CDH8: variants seen among roughly 807,000 people sequenced by gnomAD.
CDH8 encodes the protein cadherin-8.
CDH8 carries 17 observed loss-of-function variants against 68.1 expected under a neutral mutation model. That is an observed-to-expected ratio of 0.25 (90% CI 0.17 to 0.37). The LOEUF is 0.37. Ranked by LOEUF, CDH8 falls within the 10% of genes least tolerant of loss-of-function variation. The probability of loss-of-function intolerance (pLI) is 1.00; values close to 1 mark genes in which losing one functional copy is unlikely to be tolerated. For synonymous variants in CDH8, 372 were observed against 365.1 expected, an observed-to-expected ratio of 1.02 and a Z score of -0.21; for missense variants, 763 against 999.3, an observed-to-expected ratio of 0.76 and a Z score of 3.19.
At chr16:61,697,277 G>A (rs138491369) in intron 10 of CDH8, among the ~76,000 whole-genome samples, 1 of 152,088 alleles carries the variant, frequency 6.6e-6, no homozygotes, top group African/African-American at 2.4e-5. Flanking sequence ...TCCAGGGCCA[G>A]CATCTTGTAC....
intron 3 of CDH8, among the ~76,000 whole-genome samples, chr16:61,882,427 G>T (rs991389608): frequency 6.6e-6 from 1 of 152,130 alleles, no homozygotes; most frequent in Non-Finnish European, 1.5e-5. Context: ...AAGAGCCCCC[G>T]CAGTTGTGTT....
At chr16:61,744,750 T>A (rs1170494753) in intron 8 of CDH8, among the ~76,000 whole-genome samples, 1 of 151,366 alleles carries the variant, frequency 6.6e-6, no homozygotes, top group East Asian at 1.9e-4. Flanking sequence ...CATATACATA[T>A]CCTTGATTCA....
chr16:61,819,461 A>T (rs1465394612), intron 6 of CDH8, among the ~76,000 whole-genome samples: 1 of 152,096 alleles, frequency 6.6e-6, no homozygotes, highest in Non-Finnish European at 1.5e-5. Context: ...GGGTTATTCA[A>T]TAATTGACTC....
At chr16:61,964,941 C>G (rs1434453160) in intron 2 of CDH8, among the ~76,000 whole-genome samples, 1 of 152,198 alleles carries the variant, frequency 6.6e-6, no homozygotes, top group Non-Finnish European at 1.5e-5. Context: ...CTACTCAGCT[C>G]TACATAATCT....
intron 2 of CDH8, among the ~76,000 whole-genome samples, chr16:61,978,553 T>C (rs1447583098): frequency 3.3e-5 from 5 of 152,278 alleles, no homozygotes; most frequent in Admixed American, 2.6e-4. Flanking sequence ...TTTTCCTTCA[T>C]GGTAAATTTA....
chr16:61,684,036 G>A (rs1462255552), intron 10 of CDH8, among the ~76,000 whole-genome samples: 4 of 152,074 alleles, frequency 2.6e-5, no homozygotes, highest in Admixed American at 1.3e-4. Flanking sequence ...ATATTTGCTC[G>A]CCATTGCACC....
intron 3 of CDH8, among the ~76,000 whole-genome samples, chr16:61,869,933 C>T (rs1359593383): frequency 2.6e-5 from 4 of 152,238 alleles, no homozygotes; most frequent in Non-Finnish European, 4.4e-5. Flanking sequence ...AGACCATATA[C>T]ATTTTCTAAC....
At chr16:61,754,475 A>G (rs1442358471) in intron 8 of CDH8, among the ~76,000 whole-genome samples, 1 of 152,076 alleles carries the variant, frequency 6.6e-6, no homozygotes, top group Admixed American at 6.6e-5. Flanking sequence ...GAATACTACC[A>G]GAAGCCATTT....
Position 61,655,568 on chromosome 16 carries a change from C to T in CDH8, c.1808G>A (p.Gly603Asp). ...TIRVCGCSND[G>D]VVQSCNVEAY... ...TTCGACATTGCAAGACTGGACGACA[C>T]CGTCATTGCTGCAGCCACAGACCCT... Residue 603 changes from glycine to aspartate, a missense_variant, in exon 11 of 12, where the codon GGT becomes GAT. Coordinates refer to ENST00000577390, the MANE Select transcript of CDH8 (RefSeq NM_001796.5). The T allele has an allele frequency of 6.2e-7, 1 of 1,614,116 alleles. No individual in the cohort carries two copies. The highest frequency in any genetic ancestry group is 1.1e-5 in the South Asian group (1 of 91,084).
At chr16:61,663,653 G>C (rs967864077) in intron 10 of CDH8, among the ~76,000 whole-genome samples, 2 of 151,824 alleles carry the variant, frequency 1.3e-5, no homozygotes, top group Non-Finnish European at 2.9e-5. Context: ...ACACCTAACT[G>C]ATTCATTAGA....
At chr16:61,839,383 TG>T (rs367910648) in intron 4 of CDH8, among the ~76,000 whole-genome samples, 7 of 152,290 alleles carry the variant, frequency 4.6e-5, no homozygotes, top group African/African-American at 1.7e-4. Flanking sequence ...TTATTGTATT[TG>T]TTTTATATAT....
chr16:61,733,134 G>A (rs1382024897), intron 8 of CDH8, among the ~76,000 whole-genome samples: 1 of 151,624 alleles, frequency 6.6e-6, no homozygotes, highest in Non-Finnish European at 1.5e-5. Context: ...AAAATAGGAG[G>A]GGAAGGCAAT....
chr16:61,809,450 G>A (rs1961886885), intron 7 of CDH8, among the ~76,000 whole-genome samples: 1 of 152,110 alleles, frequency 6.6e-6, no homozygotes, highest in Non-Finnish European at 1.5e-5. Context: ...GGGGCAAGGG[G>A]AGGGAGAGCA....
At chr16:61,660,782 GA>G (rs1164603860) in intron 10 of CDH8, among the ~76,000 whole-genome samples, 3 of 151,662 alleles carry the variant, frequency 2.0e-5, no homozygotes, top group Admixed American at 6.6e-5. Context: ...AATGCTCAAG[GA>G]AAAAAATTGT....
At chr16:62,016,973 TAAAA>T (rs930396786) in intron 2 of CDH8, among the ~76,000 whole-genome samples, 3 of 151,966 alleles carry the variant, frequency 2.0e-5, no homozygotes, top group Non-Finnish European at 4.4e-5. Flanking sequence ...AATCAATACA[TAAAA>T]AAAATTGTTA....
intron 10 of CDH8, among the ~76,000 whole-genome samples, chr16:61,697,498 T>G (rs1964349390): frequency 2.6e-5 from 1 of 37,878 alleles, no homozygotes; most frequent in Non-Finnish European, 4.5e-5. Flanking sequence ...TGGAGAGTTA[T>G]TTTTTTTTTT....
intron 8 of CDH8, among the ~76,000 whole-genome samples, chr16:61,729,471 C>T (rs918674649): frequency 5.3e-5 from 8 of 151,180 alleles, no homozygotes; most frequent in African/African-American, 1.9e-4. Flanking sequence ...GAATTGCACT[C>T]GTAATCTGCA....
chr16:61,794,652 G>C (rs182434988), intron 7 of CDH8, among the ~76,000 whole-genome samples: 1 of 151,952 alleles, frequency 6.6e-6, no homozygotes. Context: ...TGTCCTGCGT[G>C]TACACAGGAA....
At chr16:61,790,867 A>G (rs574286775) in intron 7 of CDH8, among the ~76,000 whole-genome samples, 97 of 152,066 alleles carry the variant, frequency 6.4e-4, no homozygotes, top group Admixed American at 1.4e-3. Context: ...AGATAGCTAG[A>G]TAGGTATAGA....
Sources: gnomAD v4.1 joint callset for allele counts (sites outside exome capture counted in the v4.1 genomes callset) on GRCh38, gnomAD v4.1.1 for gene constraint, MANE v1.5 for transcripts, NCBI Gene and HGNC (gene_info 2026-07-23, HGNC 2026-07-21) for gene names.